Variants in PHF24 observed in about 807,000 individuals in gnomAD.
The protein encoded by PHF24 is PHD finger protein 24.
PHF24 carries 25 observed loss-of-function variants against 42.6 expected under a neutral mutation model. The observed-to-expected ratio is 0.59, with a 90% CI of 0.43 to 0.82. The LOEUF is 0.82. Ranked by LOEUF, PHF24 falls within the 40% of genes least tolerant of loss-of-function variation. The pLI is 0.00. For missense variants in PHF24, 470 were observed against 538.1 expected (o/e 0.87, Z 1.25); for synonymous variants, 185 against 204.8 (o/e 0.90, Z 0.83).
chr9:34,834,939 GA>G, the PHF24 span: 1 of 1,434,966 alleles, frequency 7.0e-7, no homozygotes, highest in African/African-American at 1.8e-5. Flanking sequence ...TCAATCTTGG[GA>G]AGGCCTTGAG....
chr9:34,690,190 A>G, the PHF24 span: 9 of 1,613,656 alleles, frequency 5.6e-6, no homozygotes, highest in Non-Finnish European at 7.6e-6. Flanking sequence ...ATGAGGCTAG[A>G]CACCCTCCCC....
chr9:34,930,155 A>G, the PHF24 span, among the ~76,000 whole-genome samples: 1 of 152,120 alleles, frequency 6.6e-6, no homozygotes, highest in Non-Finnish European at 1.5e-5. Flanking sequence ...CCAAGCCTGA[A>G]GTTTAATTTC....
At chr9:34,681,298 A>T in the PHF24 span, 1 of 152,354 alleles carries the variant, frequency 6.6e-6, no homozygotes, top group African/African-American at 2.4e-5. Flanking sequence ...TACCTAGCCT[A>T]TTCTGACCAA....
At chr9:34,849,200 G>C in the PHF24 span, among the ~76,000 whole-genome samples, 1 of 152,004 alleles carries the variant, frequency 6.6e-6, no homozygotes, top group Non-Finnish European at 1.5e-5. Context: ...TGACAGTGGG[G>C]TGTTAAAGTC....
the PHF24 span, among the ~76,000 whole-genome samples, chr9:34,772,674 C>T: frequency 6.6e-6 from 1 of 152,170 alleles, no homozygotes; most frequent in Non-Finnish European, 1.5e-5. Context: ...GGAATCCTCA[C>T]TGAACTAAAT....
the PHF24 span, among the ~76,000 whole-genome samples, chr9:34,740,287 G>A: frequency 6.6e-6 from 1 of 152,376 alleles, no homozygotes; most frequent in Non-Finnish European, 1.5e-5. Flanking sequence ...GGAGCAGGGG[G>A]CGGCGCTAGT....
At chr9:34,737,639 A>C in the PHF24 span, among the ~76,000 whole-genome samples, 1 of 152,176 alleles carries the variant, frequency 6.6e-6, no homozygotes, top group African/African-American at 2.4e-5. Flanking sequence ...TAACTGCACC[A>C]TTTTACATTT....
At chr9:34,908,397 C>T in the PHF24 span, among the ~76,000 whole-genome samples, 16 of 152,160 alleles carry the variant, frequency 1.1e-4, no homozygotes, top group Non-Finnish European at 2.2e-4. Context: ...AAAAATCCCT[C>T]TGGGAGCTTT....
At chr9:34,770,681 G>C in the PHF24 span, among the ~76,000 whole-genome samples, 1 of 152,186 alleles carries the variant, frequency 6.6e-6, no homozygotes. Context: ...AAGAAGTTAG[G>C]GGAAGCAATA....
At chr9:34,835,709 A>C in the PHF24 span, 1 of 1,550,964 alleles carries the variant, frequency 6.4e-7, no homozygotes, top group African/African-American at 1.4e-5. Context: ...TGATCAGCCC[A>C]GTAATCTTGT....
chr9:34,717,262 TA>T, the PHF24 span, among the ~76,000 whole-genome samples: 2 of 147,198 alleles, frequency 1.4e-5, no homozygotes, highest in African/African-American at 5.4e-5. Flanking sequence ...GTGTGGTCAA[TA>T]AGGTTGGGAT....
the PHF24 span, chr9:34,681,028 A>G: frequency 6.6e-6 from 1 of 152,242 alleles, no homozygotes; most frequent in Admixed American, 6.5e-5. Flanking sequence ...TGTGAACAGA[A>G]ATGGCATATG....
the PHF24 span, among the ~76,000 whole-genome samples, chr9:34,869,412 A>G: frequency 6.6e-6 from 1 of 152,104 alleles, no homozygotes; most frequent in Non-Finnish European, 1.5e-5. Context: ...CCTGGCCAGC[A>G]TCTGTTGTTT....
At chr9:34,952,316 G>A in the PHF24 span, among the ~76,000 whole-genome samples, 2 of 152,154 alleles carry the variant, frequency 1.3e-5, no homozygotes, top group Non-Finnish European at 2.9e-5. Context: ...CTGCACAAAC[G>A]ATGTGCAGGA....
chr9:34,730,640 A>T, the PHF24 span, among the ~76,000 whole-genome samples: 1 of 152,266 alleles, frequency 6.6e-6, no homozygotes, highest in African/African-American at 2.4e-5. Context: ...AAGAGCCAAC[A>T]ATCACTACAA....
At chr9:34,811,739 C>G in the PHF24 span, among the ~76,000 whole-genome samples, 1 of 151,724 alleles carries the variant, frequency 6.6e-6, no homozygotes, top group Non-Finnish European at 1.5e-5. Flanking sequence ...TTGGATTTGG[C>G]AATAATTTCT....
rs773102129 is a variant in PHF24 at position 34,977,002 on chromosome 9, T to C, written c.850-81T>C. ...CAGCTTCTAAGGGAGGTTGCAAAGGTGGTAATGGAGATAGGATTCTCTATG... is the reference window on the plus strand; with the variant it reads ...CAGCTTCTAAGGGAGGTTGCAAAGGCGGTAATGGAGATAGGATTCTCTATG... On this transcript the variant is annotated intron_variant, in intron 5 of 7. Transcript: ENST00000242315. 108 of 1,452,856 alleles carry C rather than the reference T, an allele frequency of 7.4e-5. 1 individual carries two copies. The highest frequency in any genetic ancestry group is 1.1e-4 in the Admixed American group (5 of 46,434). The allele number at this position is 1,452,856 out of a possible 1,614,324, so 90.0% of individuals were successfully genotyped here. A position where few individuals can be genotyped will look rare whatever the true frequency, so the allele number is the denominator to read the frequency against.
the PHF24 span, among the ~76,000 whole-genome samples, chr9:34,691,913 A>G: frequency 0.021 from 3,228 of 152,270 alleles, 49 homozygotes; most frequent in African/African-American, 0.043. Context: ...CACCTGGGTC[A>G]AAGGAACAGC....
chr9:34,744,713 A>G, the PHF24 span, among the ~76,000 whole-genome samples: 41 of 152,324 alleles, frequency 2.7e-4, no homozygotes, highest in African/African-American at 9.4e-4. Flanking sequence ...ACTGGGTAAC[A>G]CTGGGCACTT....
Sources: allele counts gnomAD v4.1 joint callset (sites outside exome capture counted in the v4.1 genomes callset), GRCh38; gene constraint gnomAD v4.1.1; transcripts MANE v1.5; gene names NCBI Gene and HGNC (gene_info 2026-07-23, HGNC 2026-07-21).